NTM: variants seen among roughly 807,000 people sequenced by gnomAD.
NTM encodes IgLON family member 2.
NTM carries 13 observed loss-of-function variants against 42.1 expected under a neutral mutation model. The ratio of observed to expected loss-of-function variants is 0.31; its 90% CI spans 0.20 to 0.49. NTM has a LOEUF of 0.49. NTM is among the 20% of genes least tolerant of loss of function. The pLI is 0.99. For synonymous variants in NTM, 187 were observed against 179.2 expected, an observed-to-expected ratio of 1.04 and a Z score of -0.35; for missense variants, 373 against 452.8, an observed-to-expected ratio of 0.82 and a Z score of 1.60.
chr11:131,392,046 T>C (rs900280221), intron 1 of NTM, among the ~76,000 whole-genome samples: 4 of 152,350 alleles, frequency 2.6e-5, no homozygotes, highest in Non-Finnish European at 4.4e-5. Context: ...CAGCGATAAT[T>C]AGATTCAAGA....
At chr11:132,004,613 CTCT>C (rs1471904766) in intron 2 of NTM, among the ~76,000 whole-genome samples, 1 of 145,334 alleles carries the variant, frequency 6.9e-6, no homozygotes. Context: ...CTTTCTCTCT[CTCT>C]CTCTCTCTCT....
chr11:131,380,078 T>C (rs562622289), intron 1 of NTM, among the ~76,000 whole-genome samples: 49 of 152,198 alleles, frequency 3.2e-4, no homozygotes, highest in Non-Finnish European at 5.9e-4. Context: ...GGTTTCCTGT[T>C]GCTCCCTCTG....
chr11:132,274,194 A>C (rs1005611759), intron 4 of NTM, among the ~76,000 whole-genome samples: 6 of 151,856 alleles, frequency 4.0e-5, no homozygotes, highest in Non-Finnish European at 7.4e-5. Context: ...GACTTTTTAA[A>C]TTTATTTTTT....
At chr11:131,546,960 C>G (rs576372205) in intron 1 of NTM, among the ~76,000 whole-genome samples, 1 of 152,168 alleles carries the variant, frequency 6.6e-6, no homozygotes, top group African/African-American at 2.4e-5. Flanking sequence ...AGTTCCTTCC[C>G]TCCCTTTCCA....
chr11:131,970,809 A>T (rs1348233749), intron 2 of NTM, among the ~76,000 whole-genome samples: 1 of 152,146 alleles, frequency 6.6e-6, no homozygotes, highest in Admixed American at 6.5e-5. Context: ...GGGATCATTG[A>T]TCCCCAAAAG....
At chr11:131,521,558 G>A (rs1003354619) in intron 1 of NTM, among the ~76,000 whole-genome samples, 3 of 151,318 alleles carry the variant, frequency 2.0e-5, no homozygotes, top group African/African-American at 7.3e-5. Context: ...GCAAGGGCCC[G>A]AGGTGCCAGG....
chr11:132,259,685 A>T (rs977071688), intron 4 of NTM, among the ~76,000 whole-genome samples: 1 of 152,084 alleles, frequency 6.6e-6, no homozygotes, highest in Non-Finnish European at 1.5e-5. Context: ...ATCTCAAAAA[A>T]CAAGAAGTTT....
intron 2 of NTM, among the ~76,000 whole-genome samples, chr11:132,010,380 C>T (rs1449583628): frequency 6.6e-6 from 1 of 152,156 alleles, no homozygotes; most frequent in African/African-American, 2.4e-5. Flanking sequence ...TATAGGATGA[C>T]AGATACAGTC....
intron 7 of NTM, among the ~76,000 whole-genome samples, chr11:132,316,937 C>CT (rs1218642635): frequency 6.6e-6 from 1 of 152,190 alleles, no homozygotes; most frequent in Non-Finnish European, 1.5e-5. Context: ...GCAGCATGTA[C>CT]TTTTTGCGAA....
chr11:131,495,451 C>T (rs969500655), intron 1 of NTM, among the ~76,000 whole-genome samples: 14 of 152,248 alleles, frequency 9.2e-5, no homozygotes, highest in African/African-American at 3.4e-4. Flanking sequence ...TCTGCACTGC[C>T]TGTGCTGCGG....
At chr11:131,683,229 G>A (rs745899273) in intron 1 of NTM, among the ~76,000 whole-genome samples, 5 of 152,294 alleles carry the variant, frequency 3.3e-5, no homozygotes, top group East Asian at 1.9e-4. Context: ...ATCACTCTCC[G>A]CGCTTCAGCA....
chr11:131,773,987 C>G lies in NTM; in HGVS notation c.83-137577C>G, dbSNP rs946436389. 37 of 983,606 alleles carry G rather than the reference C, an allele frequency of 3.8e-5. No homozygotes were observed. In the African/African-American group the frequency reaches 6.5e-4, roughly 17 times the overall value. The allele number at this position is 983,606 out of a possible 1,614,324, so 60.9% of individuals were successfully genotyped here. The stretch of plus-strand genomic sequence containing the variant: ...CCAATAGTGTTAAGGACCTCCAATT[C>G]CTGACATCTTCCGTCGTCTCATTTT... On this transcript the variant is annotated intron_variant, in intron 1 of 8. Transcript: ENST00000683400.
At chr11:131,467,678 C>T (rs1952022743) in intron 1 of NTM, among the ~76,000 whole-genome samples, 1 of 152,164 alleles carries the variant, frequency 6.6e-6, no homozygotes, top group Admixed American at 6.5e-5. Flanking sequence ...TAGTGGCCTC[C>T]ACTTATGATT....
At chr11:132,325,961 G>C (rs923409584) in intron 7 of NTM, among the ~76,000 whole-genome samples, 15 of 148,072 alleles carry the variant, frequency 1.0e-4, no homozygotes, top group Admixed American at 6.9e-5. Flanking sequence ...GGTGGGAATT[G>C]AACAATGAGA....
At chr11:131,539,408 G>A (rs1347247567) in intron 1 of NTM, 1 of 152,290 alleles carries the variant, frequency 6.6e-6, no homozygotes. Flanking sequence ...ATGAACGCTT[G>A]TGCACCAATA....
At chr11:131,661,836 A>T (rs2068129995) in intron 1 of NTM, among the ~76,000 whole-genome samples, 1 of 152,058 alleles carries the variant, frequency 6.6e-6, no homozygotes. Context: ...CGTATTTGTT[A>T]TTTTCTTTGC....
At position 132,146,761 on chromosome 11, in the gene NTM, G is replaced by A; in HGVS notation, c.400+247G>A. 2.2e-6 allele frequency: 1 copy of A among 449,600 alleles called. No individual in the cohort carries two copies. The highest frequency in any genetic ancestry group is 3.9e-6 in the Non-Finnish European group (1 of 257,096). 27.9% of individuals were successfully genotyped at this position (449,600 alleles called of 1,614,324 possible). On this transcript the variant is annotated intron_variant, in intron 3 of 8. Transcript: ENST00000683400. The surrounding 1 kb of genome is among the most constrained non-coding windows in gnomAD (Gnocchi z 4.5). ...ATATATTTTCTCAGGAAATTATCTT[G>A]TAATTATTGCTCTTCTTGGCTTTTT... is the stretch of plus-strand genomic sequence containing the variant.
intron 1 of NTM, among the ~76,000 whole-genome samples, chr11:131,756,231 A>G (rs527881179): frequency 2.0e-5 from 3 of 152,328 alleles, no homozygotes; most frequent in African/African-American, 7.2e-5. Context: ...AAGGAGGCAC[A>G]GAAGTGAGGA....
At chr11:131,526,169 G>T in intron 1 of NTM, among the ~76,000 whole-genome samples, 1 of 152,214 alleles carries the variant, frequency 6.6e-6, no homozygotes, top group East Asian at 1.9e-4. Context: ...CAAGGTGTGA[G>T]TTAGCACATA....
Sources: gnomAD v4.1 joint callset for allele counts (sites outside exome capture counted in the v4.1 genomes callset) on GRCh38, gnomAD v4.1.1 for gene constraint, Gnocchi (gnomAD v3.1) non-coding constraint, MANE v1.5 for transcripts, NCBI Gene and HGNC (gene_info 2026-07-23, HGNC 2026-07-21) for gene names.